SPATA7: variants seen among roughly 807,000 people sequenced by gnomAD.
SPATA7 encodes the protein spermatogenesis-associated protein 7.
In SPATA7, 43 loss-of-function variants were observed where a neutral mutation model predicts 51.8. The observed-to-expected ratio is 0.83, with a 90% CI of 0.65 to 1.07. The LOEUF (loss-of-function observed/expected upper bound fraction) is 1.07. SPATA7 is among the 50% of genes least tolerant of loss of function. SPATA7 has a pLI of 0.00. For missense variants in SPATA7, 683 were observed against 701.3 expected (o/e 0.97, Z 0.30); for synonymous variants, 230 against 252.8 (o/e 0.91, Z 0.86).
At chr14:88,419,101 A>T (rs1184433125) in intron 5 of SPATA7, among the ~76,000 whole-genome samples, 3 of 152,154 alleles carry the variant, frequency 2.0e-5, no homozygotes, top group Non-Finnish European at 2.9e-5. Context: ...TTTATATCAT[A>T]TTGATTATTT....
intron 3 of SPATA7, 21 bp downstream of exon 3, chr14:88,393,509 A>G: frequency 6.6e-7 from 1 of 1,518,718 alleles, no homozygotes; most frequent in Non-Finnish European, 9.1e-7. Flanking sequence ...GCAAATGTGA[A>G]CTCTCTGTAC....
intron 10 of SPATA7, among the ~76,000 whole-genome samples, 155 bp downstream of exon 10, chr14:88,433,367 A>G (rs2076991027): frequency 6.6e-6 from 1 of 152,192 alleles, no homozygotes; most frequent in Non-Finnish European, 1.5e-5. Flanking sequence ...AATTGATAGC[A>G]AGTTGTAAAG....
intron 8 of SPATA7, among the ~76,000 whole-genome samples, chr14:88,430,730 C>T (rs896793420): frequency 1.3e-5 from 2 of 152,054 alleles, no homozygotes; most frequent in South Asian, 2.1e-4. Flanking sequence ...TAACATTAAC[C>T]TTGGAAAGTT....
chr14:88,391,556 C>A (rs761782570), intron 2 of SPATA7, 101 bp downstream of exon 2: 1 of 965,196 alleles, frequency 1.0e-6, no homozygotes. Context: ...TTTCATTTGA[C>A]GAATATTTGA....
In SPATA7 at chr14:88,389,102, C is replaced by CA. The variant is rs202195670; in HGVS notation, c.20-2272dup. 5.7e-3 allele frequency among the ~76,000 whole-genome samples: 863 copies of CA among 151,180 alleles called. 12 individuals carry two copies. Among genetic ancestry groups the CA allele is most frequent in the African/African-American group, 0.02 (828 of 41,246 alleles). ...TGCAAGTCATGCAAAAAAACAAAAA[C>CA]AAAAAAACAGGAAAATGTGACCTAT... On this transcript the variant is annotated intron_variant, in intron 1 of 11. Transcript: ENST00000393545.
intron 4 of SPATA7, among the ~76,000 whole-genome samples, chr14:88,397,920 A>G (rs1336469414): frequency 2.0e-5 from 3 of 152,040 alleles, no homozygotes; most frequent in Non-Finnish European, 4.4e-5. Flanking sequence ...CGTCTCTACT[A>G]AAAAACAAAA....
At chr14:88,451,002 T>C (rs1566795473) in intron 3 of SPATA7, among the ~76,000 whole-genome samples, 1 of 152,216 alleles carries the variant, frequency 6.6e-6, no homozygotes, top group Admixed American at 6.5e-5. Context: ...TAAAAAATTC[T>C]TTCTTCTTTG....
At chr14:88,388,883 T>A (rs74071521) in intron 1 of SPATA7, among the ~76,000 whole-genome samples, 1 of 152,124 alleles carries the variant, frequency 6.6e-6, no homozygotes, top group African/African-American at 2.4e-5. Context: ...GATTGTGCAC[T>A]TGCCCAAAGC....
At chr14:88,403,993 A>G (rs1237491864) in intron 4 of SPATA7, among the ~76,000 whole-genome samples, 1 of 152,152 alleles carries the variant, frequency 6.6e-6, no homozygotes, top group Non-Finnish European at 1.5e-5. Flanking sequence ...CAGAATATCA[A>G]ATTAAATGCC....
At chr14:88,468,833 A>G in intron 4 of SPATA7, 1 of 1,564,180 alleles carries the variant, frequency 6.4e-7, no homozygotes, top group Non-Finnish European at 8.8e-7. Flanking sequence ...ATGTGCGCAA[A>G]AAGAGCTATT....
At chr14:88,398,220 G>T (rs1205571845) in intron 4 of SPATA7, among the ~76,000 whole-genome samples, 1 of 151,784 alleles carries the variant, frequency 6.6e-6, no homozygotes, top group African/African-American at 2.4e-5. Flanking sequence ...CAAAGACTTG[G>T]AACCAACCCA....
intron 11 of SPATA7, 21 bp from the exon 12 acceptor site, chr14:88,437,817 C>G (rs1290202194): frequency 6.4e-7 from 1 of 1,574,770 alleles, no homozygotes; most frequent in Admixed American, 1.9e-5. Flanking sequence ...TGTAATTAGT[C>G]TCATCTTTTC....
At chr14:88,387,574 A>C (rs980771388) in intron 1 of SPATA7, among the ~76,000 whole-genome samples, 1 of 152,188 alleles carries the variant, frequency 6.6e-6, no homozygotes, top group Non-Finnish European at 1.5e-5. Context: ...AAAACATCTA[A>C]AGAAAAATTA....
chr14:88,461,781 A>C (rs1023040556), intron 4 of SPATA7, among the ~76,000 whole-genome samples: 2 of 151,982 alleles, frequency 1.3e-5, no homozygotes, highest in African/African-American at 4.8e-5. Context: ...TGCAGAAATC[A>C]CCTGTCTTCT....
In SPATA7 at chr14:88,409,436, A is replaced by T. The variant is rs141171185; in HGVS notation, c.239-7275A>T. Among the ~76,000 whole-genome samples the T allele has an allele frequency of 5.7e-3, 866 of 152,040 alleles. 13 individuals are homozygous for T. Among genetic ancestry groups the T allele is most frequent in the African/African-American group, 0.02 (831 of 41,454 alleles). ...TTGTATTTCTGTGGGATCAGTGGTG[A>T]TATCCCCTTTGTCGTTTTTTATTGT... On this transcript the variant is annotated intron_variant, in intron 4 of 11. Coordinates refer to ENST00000393545, the MANE Select transcript of SPATA7 (RefSeq NM_018418.5).
Position 88,416,920 on chromosome 14 carries a change from A to G in SPATA7, c.372+76A>G, listed in dbSNP as rs552279039. On this transcript the variant is annotated intron_variant, in intron 5 of 11. Transcript: ENST00000393545. ...TTAGTGGTACAATCTGACTTTGTTT[A>G]CTATAGTTTAGGGTCAGCAAATTTT... 79 of 1,367,950 alleles carry G rather than the reference A, an allele frequency of 5.8e-5. No individual in the cohort carries two copies. The African/African-American group carries it at 8.2e-4, about 14-fold the overall frequency. The allele number at this position is 1,367,950 out of a possible 1,614,324, so 84.7% of individuals were successfully genotyped here. A position where few individuals can be genotyped will look rare whatever the true frequency, so the allele number is the denominator to read the frequency against.
At position 88,446,942 on chromosome 14, in the gene SPATA7, G is replaced by GA. The variant is rs2077217796; in HGVS notation, c.178-8111dup. ...TTTGGAATAGGTGTGGTGTGGTGCT[G>GA]AAAAAAATGTACATTCTGTTGATTT... On this transcript the variant is annotated intron_variant, in intron 3 of 3. Transcript: ENST00000554802. Among the ~76,000 whole-genome samples the GA allele has an allele frequency of 3.3e-5, 5 of 152,238 alleles. No homozygotes were observed. In the South Asian group the frequency reaches 1.0e-3, roughly 32 times the overall value.
chr14:88,458,396 TTCAG>T (rs2077298167), downstream of SPATA7, among the ~76,000 whole-genome samples: 1 of 152,222 alleles, frequency 6.6e-6, no homozygotes, highest in East Asian at 1.9e-4. Flanking sequence ...TTGCCTCAAT[TTCAG>T]ATCCTGTTAT....
intron 7 of SPATA7, 153 bp from the exon 8 acceptor site, chr14:88,429,195 A>G (rs1484571199): frequency 4.0e-6 from 2 of 498,330 alleles, no homozygotes. Flanking sequence ...TGCTGGATGG[A>G]TAGAAAAATT....
Sources: allele counts gnomAD v4.1 joint callset (sites outside exome capture counted in the v4.1 genomes callset), GRCh38; gene constraint gnomAD v4.1.1; transcripts MANE v1.5; gene names NCBI Gene and HGNC (gene_info 2026-07-23, HGNC 2026-07-21).